The following KIFBP variants were observed in gnomAD, a reference collection of about 807,000 sequenced individuals.
The protein encoded by KIFBP is KIF-binding protein.
Under a neutral mutation model 58.9 loss-of-function variants are expected in KIFBP, and 46 were observed. The observed-to-expected ratio is 0.78, with a 90% confidence interval of 0.62 to 1.00. The LOEUF (loss-of-function observed/expected upper bound fraction) is 1.00. Among genes scored for constraint, KIFBP ranks in the 50% least tolerant of loss-of-function variants. The probability of loss-of-function intolerance (pLI) is 0.00; values close to 1 mark genes in which losing one functional copy is unlikely to be tolerated. For synonymous variants in KIFBP, 241 were observed against 283.4 expected (o/e 0.85, Z 1.50); for missense variants, 651 against 752.9 (o/e 0.86, Z 1.58).
At chr10:68,997,601 T>C (rs2132109094) in intron 1 of KIFBP, among the ~76,000 whole-genome samples, 1 of 152,026 alleles carries the variant, frequency 6.6e-6, no homozygotes, top group South Asian at 2.1e-4. Flanking sequence ...AAGTATCTAG[T>C]CTCAGGTAGT....
chr10:69,014,184 G>T (rs1843622039), intron 6 of KIFBP, among the ~76,000 whole-genome samples: 1 of 152,188 alleles, frequency 6.6e-6, no homozygotes, highest in South Asian at 2.1e-4. Flanking sequence ...CCCTGTGCTA[G>T]TCATTGGCCA....
chr10:69,009,030 C>A, intron 5 of KIFBP, 105 bp downstream of exon 5: 1 of 823,266 alleles, frequency 1.2e-6, no homozygotes, highest in East Asian at 2.6e-5. Flanking sequence ...TATCATATGC[C>A]CTTCTAAATG....
At chr10:69,002,799 G>A (rs1044221514) in intron 2 of KIFBP, among the ~76,000 whole-genome samples, 1 of 152,040 alleles carries the variant, frequency 6.6e-6, no homozygotes, top group Admixed American at 6.6e-5. Flanking sequence ...GAGGTGGGAG[G>A]ATGGCTTGAG....
Position 68,999,403 on chromosome 10 carries a change from CT to C in KIFBP, c.427-1011del, listed in dbSNP as rs553746500. ...GTGAGCCACCATGCCTGGCCTATTT[CT>C]TTTTTTTTTAAAAAAAAAGTTCTCT... On this transcript the variant is annotated intron_variant, in intron 1 of 6. Coordinates refer to ENST00000361983, the MANE Select transcript of KIFBP (RefSeq NM_015634.4). 3.4e-5 allele frequency among the ~76,000 whole-genome samples: 5 copies of C among 147,830 alleles called. No homozygotes were observed. In the South Asian group the frequency reaches 8.6e-4, roughly 25 times the overall value.
chr10:69,016,079 A>G lies in KIFBP; in HGVS notation c.1529A>G (p.Asn510Ser), dbSNP rs1056181592. 6 of 1,614,096 alleles carry G rather than the reference A, an allele frequency of 3.7e-6. No homozygotes were observed. Among genetic ancestry groups the G allele is most frequent in the Non-Finnish European group, 5.1e-6 (6 of 1,179,958 alleles). ...ATTGTAAAAAAAATAAATAATCTTA[A>G]TAAGTCAGCACTGAAGTACTACCAG... Reference protein sequence around the residue: ...SHIVKKINNLNKSALKYYQLF... With the variant: ...SHIVKKINNLSKSALKYYQLF... The change falls in exon 7 of 7, where the codon AAT becomes AGT. Residue 510 changes from asparagine (N) to serine (S), a missense_variant. Asn to Ser is a conservative substitution (Grantham distance 46, BLOSUM62 1). Coordinates refer to ENST00000361983, the MANE Select transcript of KIFBP (RefSeq NM_015634.4).
chr10:69,006,063 C>T, intron 4 of KIFBP, 148 bp downstream of exon 4: 1 of 694,506 alleles, frequency 1.4e-6, no homozygotes. Context: ...CCCAGTTTGC[C>T]CGTGTACTAA....
chr10:68,993,427 C>G (rs1843372038), intron 1 of KIFBP, among the ~76,000 whole-genome samples: 1 of 152,062 alleles, frequency 6.6e-6, no homozygotes, highest in African/African-American at 2.4e-5. Flanking sequence ...AATTGTTCAC[C>G]CATGAGAATT....
At chr10:68,998,757 G>A (rs372771384) in intron 1 of KIFBP, among the ~76,000 whole-genome samples, 3 of 79,880 alleles carry the variant, frequency 3.8e-5, no homozygotes, top group Non-Finnish European at 7.2e-5. Context: ...ATACATATAT[G>A]TATATATATA....
intron 6 of KIFBP, among the ~76,000 whole-genome samples, chr10:69,011,882 G>A (rs1309902218): frequency 1.3e-5 from 2 of 149,806 alleles, no homozygotes; most frequent in African/African-American, 4.9e-5. Context: ...GTGTAGATGG[G>A]GTTTCACCAT....
At chr10:69,005,997 C>A in intron 4 of KIFBP, 82 bp downstream of exon 4, 2 of 1,264,726 alleles carry the variant, frequency 1.6e-6, no homozygotes, top group Non-Finnish European at 2.2e-6. Context: ...AAAATACTAT[C>A]TTTTAAAAAC....
At position 69,008,461 on chromosome 10, in the gene KIFBP, T is replaced by C. The variant is rs181389781; in HGVS notation, c.790-380T>C. On this transcript the variant is annotated intron_variant, in intron 4 of 6. Coordinates refer to ENST00000361983, the MANE Select transcript of KIFBP (RefSeq NM_015634.4). ...ATGTAAATAGTCTAAGAATTTATTG[T>C]GCATGGGATTTTGGCTACTTAGACT... is the stretch of plus-strand genomic sequence containing the variant. 1.9e-3 allele frequency among the ~76,000 whole-genome samples: 277 copies of C among 146,122 alleles called. 1 individual carries two copies. The highest frequency in any genetic ancestry group is 6.9e-3 in the African/African-American group (268 of 38,908).
chr10:69,011,565 G>A (rs1843591939), intron 6 of KIFBP, among the ~76,000 whole-genome samples: 1 of 150,172 alleles, frequency 6.7e-6, no homozygotes, highest in African/African-American at 2.4e-5. Flanking sequence ...AAATTATTTT[G>A]TAGAGACTGG....
At chr10:68,990,696 A>G (rs1843333307) in intron 1 of KIFBP, among the ~76,000 whole-genome samples, 1 of 152,136 alleles carries the variant, frequency 6.6e-6, no homozygotes, top group Non-Finnish European at 1.5e-5. Flanking sequence ...TTATTAAAGA[A>G]GGAAAATCGC....
chr10:68,999,488 T>C (rs982063547), intron 1 of KIFBP, among the ~76,000 whole-genome samples: 3 of 152,088 alleles, frequency 2.0e-5, no homozygotes, highest in Non-Finnish European at 4.4e-5. Flanking sequence ...GTCTATTATC[T>C]CAGAATCTCA....
intron 6 of KIFBP, among the ~76,000 whole-genome samples, chr10:69,013,699 G>C (rs776612329): frequency 6.6e-6 from 1 of 152,076 alleles, no homozygotes; most frequent in Non-Finnish European, 1.5e-5. Flanking sequence ...TTCATCACTT[G>C]GTTAGTTTAA....
chr10:69,002,705 G>A (rs946150054), intron 2 of KIFBP, among the ~76,000 whole-genome samples: 1 of 151,782 alleles, frequency 6.6e-6, no homozygotes, highest in Non-Finnish European at 1.5e-5. Flanking sequence ...GGGCCACATA[G>A]TGATACGCTG....
In KIFBP at chr10:68,995,889, A is replaced by G. The variant is rs1843397732; in HGVS notation, c.427-4535A>G. ...AATTCACATAAAGGCTGGGCACGGT[A>G]CCTCATGGCTGTAATCCCAGCACTT... is the stretch of plus-strand genomic sequence containing the variant. On this transcript the variant is annotated intron_variant, in intron 1 of 6. Coordinates refer to ENST00000361983, the MANE Select transcript of KIFBP (RefSeq NM_015634.4). 2.6e-5 allele frequency among the ~76,000 whole-genome samples: 4 copies of G among 152,260 alleles called. No homozygotes were observed. The South Asian group carries it at 8.3e-4, about 32-fold the overall frequency.
In KIFBP at chr10:68,989,229, G is replaced by A. The variant is rs1843314209; in HGVS notation, c.397G>A (p.Asp133Asn). The A allele has an allele frequency of 6.2e-7, 1 of 1,613,434 alleles. No individual in the cohort carries two copies. Among genetic ancestry groups the A allele is most frequent in the Non-Finnish European group, 8.5e-7 (1 of 1,179,966 alleles). Reference sequence around the variant, plus strand: ...GCTGCGCAGGTACCGGCTCTCGCACGACTGCATCTCTCTCTGCATCCAGGC... The same window carrying A: ...GCTGCGCAGGTACCGGCTCTCGCACAACTGCATCTCTCTCTGCATCCAGGC... Reference protein sequence around the residue: ...RLLRRYRLSHDCISLCIQAQN... With the variant: ...RLLRRYRLSHNCISLCIQAQN... The change falls in exon 1 of 7, where the codon GAC becomes AAC. Residue 133 changes from aspartate (D) to asparagine (N), a missense_variant. Transcript: ENST00000361983.
At chr10:69,014,215 A>G (rs1405951272) in intron 6 of KIFBP, among the ~76,000 whole-genome samples, 3 of 152,212 alleles carry the variant, frequency 2.0e-5, no homozygotes, top group Non-Finnish European at 4.4e-5. Flanking sequence ...GATGAACAAA[A>G]ATGAACCTAG....
Sources: gnomAD v4.1 joint callset for allele counts (sites outside exome capture counted in the v4.1 genomes callset) on GRCh38, gnomAD v4.1.1 for gene constraint, MANE v1.5 for transcripts, NCBI Gene and HGNC (gene_info 2026-07-23, HGNC 2026-07-21) for gene names.